Variants in ANKRD50 observed in about 807,000 individuals in gnomAD.
The protein encoded by ANKRD50 is ankyrin repeat domain-containing protein 50.
ANKRD50 carries 40 observed loss-of-function variants against 112.0 expected under a neutral mutation model. That is an observed-to-expected ratio of 0.36 (90% CI 0.28 to 0.46). ANKRD50 has a LOEUF of 0.46. Among genes scored for constraint, ANKRD50 ranks in the 20% least tolerant of loss-of-function variants. ANKRD50 has a pLI of 1.00. For missense variants in ANKRD50, 1,487 were observed against 1,701.7 expected (o/e 0.87, Z 2.22); for synonymous variants, 613 against 619.1 (o/e 0.99, Z 0.15).
At position 124,666,663 on chromosome 4, in the gene ANKRD50, C is replaced by T. The variant is rs547156283; in HGVS notation, c.*855G>A. The T allele has an allele frequency of 5.2e-5, 8 of 152,498 alleles. No homozygotes were observed. The East Asian group carries it at 1.4e-3, about 26-fold the overall frequency. The allele number at this position is 152,498 out of a possible 1,614,324, so 9.4% of individuals were successfully genotyped here. On this transcript the variant is annotated 3_prime_UTR_variant, in exon 5 of 5. Coordinates refer to ENST00000504087, the MANE Select transcript of ANKRD50 (RefSeq NM_020337.3). Reference sequence around the variant, plus strand: ...AGACAGGTGCATTTCTCTCTGCACACACATGTGACTGAGGCATGGCTTTGT... The same window carrying T: ...AGACAGGTGCATTTCTCTCTGCACATACATGTGACTGAGGCATGGCTTTGT...
At chr4:124,703,169 G>A (rs1359582321) in intron 2 of ANKRD50, among the ~76,000 whole-genome samples, 1 of 152,068 alleles carries the variant, frequency 6.6e-6, no homozygotes, top group Non-Finnish European at 1.5e-5. Context: ...AATGGAGTCA[G>A]TGCGAGATTC....
intron 2 of ANKRD50, among the ~76,000 whole-genome samples, chr4:124,702,671 A>G (rs1725417115): frequency 6.6e-6 from 1 of 152,184 alleles, no homozygotes; most frequent in African/African-American, 2.4e-5. Flanking sequence ...GTAGATAATA[A>G]TCAAGCTTCC....
chr4:124,672,841 A>G (rs1730694368), intron 3 of ANKRD50, among the ~76,000 whole-genome samples: 1 of 152,082 alleles, frequency 6.6e-6, no homozygotes, highest in South Asian at 2.1e-4. Flanking sequence ...ACATAACCAT[A>G]AAAGTACCCA....
At chr4:124,676,540 GA>G (rs923724274) in intron 3 of ANKRD50, among the ~76,000 whole-genome samples, 2 of 151,028 alleles carry the variant, frequency 1.3e-5, no homozygotes, top group East Asian at 1.9e-4. Context: ...AATGTATGAT[GA>G]AAAAAAATCA....
chr4:124,704,229 TTTTAA>T (rs1725455999), intron 2 of ANKRD50, among the ~76,000 whole-genome samples: 2 of 152,234 alleles, frequency 1.3e-5, no homozygotes, highest in African/African-American at 4.8e-5. Context: ...TAGAATAATC[TTTTAA>T]TTTGACAATA....
rs138780620 is a variant in ANKRD50, at chr4:124,666,289, G to T, written c.*1229C>A. The T allele has an allele frequency of 1.3e-5, 2 of 152,496 alleles. No homozygotes were observed. Among genetic ancestry groups the T allele is most frequent in the Non-Finnish European group, 2.9e-5 (2 of 67,928 alleles). 9.4% of individuals were successfully genotyped at this position (152,496 alleles called of 1,614,324 possible). A position where few individuals can be genotyped will look rare whatever the true frequency, so the allele number is the denominator to read the frequency against. On this transcript the variant is annotated 3_prime_UTR_variant, in exon 5 of 5. Transcript: ENST00000504087. Reference sequence around the variant, plus strand: ...ATTTCTCTCTTAACCCTGGCATCCAGCCCTCCTGCATGCAATTGTACAAAG... The same window carrying T: ...ATTTCTCTCTTAACCCTGGCATCCATCCCTCCTGCATGCAATTGTACAAAG...
At chr4:124,678,952 A>T (rs1264145591) in intron 2 of ANKRD50, 47 bp from the exon 3 acceptor site, 2 of 1,345,754 alleles carry the variant, frequency 1.5e-6, no homozygotes, top group Non-Finnish European at 2.1e-6. Context: ...AGTGGCTATG[A>T]TGTTAAGATT....
chr4:124,673,621 A>G (rs1730708958), intron 3 of ANKRD50, among the ~76,000 whole-genome samples: 1 of 152,098 alleles, frequency 6.6e-6, no homozygotes, highest in African/African-American at 2.4e-5. Flanking sequence ...GGAGAAGTAA[A>G]GAGAGAAGGA....
intron 3 of ANKRD50, 75 bp downstream of exon 3, chr4:124,678,601 T>A (rs759344190): frequency 6.7e-6 from 9 of 1,349,984 alleles, no homozygotes; most frequent in Non-Finnish European, 9.3e-6. Flanking sequence ...GATGTTCAAC[T>A]GCATACTTTT....
intron 2 of ANKRD50, among the ~76,000 whole-genome samples, chr4:124,707,696 A>G (rs544334038): frequency 6.6e-6 from 1 of 152,250 alleles, no homozygotes; most frequent in East Asian, 1.9e-4. Context: ...CTCTTTTATT[A>G]AAGTGTAAAC....
At chr4:124,686,033 G>A (rs1724999824) in intron 2 of ANKRD50, among the ~76,000 whole-genome samples, 1 of 152,036 alleles carries the variant, frequency 6.6e-6, no homozygotes, top group Non-Finnish European at 1.5e-5. Flanking sequence ...TGATTTCCTG[G>A]CAGAAAGGCA....
At chr4:124,668,895 G>A (rs1390478547) in intron 4 of ANKRD50, 89 bp downstream of exon 4, 3 of 1,191,968 alleles carry the variant, frequency 2.5e-6, no homozygotes, top group Non-Finnish European at 3.5e-6. Context: ...ATTAACTGAG[G>A]GAATTGGCCT....
Position 124,670,154 on chromosome 4 carries a change from T to G in ANKRD50, c.3123A>C (p.Thr1041=). The change falls in exon 4 of 5, where the codon ACA becomes ACC. Residue 1041 remains threonine, a synonymous_variant. Transcript: ENST00000504087. ...LIEHGAVVDH[T]CNQGATALCI... Reference sequence around the variant, plus strand: ...AGAGTGCAGTTGCACCTTGGTTACATGTATGGTCAACTACAGCACCATGCT... The same window carrying G: ...AGAGTGCAGTTGCACCTTGGTTACAGGTATGGTCAACTACAGCACCATGCT... The G allele has an allele frequency of 6.2e-7, 1 of 1,612,052 alleles. No individual in the cohort carries two copies. Among genetic ancestry groups the G allele is most frequent in the Non-Finnish European group, 8.5e-7 (1 of 1,179,412 alleles).
chr4:124,674,147 A>G (rs1166713228), intron 3 of ANKRD50, among the ~76,000 whole-genome samples: 1 of 152,016 alleles, frequency 6.6e-6, no homozygotes, highest in Admixed American at 6.6e-5. Context: ...TACCTAGTAC[A>G]TTGCTAATAA....
At chr4:124,682,739 AT>A (rs71583368) in intron 2 of ANKRD50, among the ~76,000 whole-genome samples, 8,984 of 151,688 alleles carry the variant, frequency 0.059, 368 homozygotes, top group African/African-American at 0.11. Flanking sequence ...ATGTTTTTTA[AT>A]TTTTTTTATA....
intron 2 of ANKRD50, among the ~76,000 whole-genome samples, chr4:124,704,744 A>G (rs1347549774): frequency 6.6e-6 from 1 of 152,252 alleles, no homozygotes; most frequent in Non-Finnish European, 1.5e-5. Context: ...AGTCATGAAT[A>G]ACGTTATGAA....
intron 2 of ANKRD50, among the ~76,000 whole-genome samples, chr4:124,697,850 C>A (rs895268923): frequency 2.6e-5 from 4 of 151,272 alleles, no homozygotes; most frequent in Non-Finnish European, 4.4e-5. Flanking sequence ...GGAGGATGGG[C>A]AGCAGGAGAT....
intron 2 of ANKRD50, among the ~76,000 whole-genome samples, chr4:124,682,874 G>A (rs912100954): frequency 7.9e-5 from 12 of 151,932 alleles, no homozygotes; most frequent in Non-Finnish European, 1.6e-4. Flanking sequence ...TACACTTAAT[G>A]TAGTTGTTAA....
At chr4:124,690,497 T>C (rs1725110896) in intron 2 of ANKRD50, among the ~76,000 whole-genome samples, 1 of 152,192 alleles carries the variant, frequency 6.6e-6, no homozygotes, top group African/African-American at 2.4e-5. Flanking sequence ...CCCAAAAATG[T>C]ACATTTCCAG....
Sources: gnomAD v4.1 joint callset for allele counts (sites outside exome capture counted in the v4.1 genomes callset) on GRCh38, gnomAD v4.1.1 for gene constraint, MANE v1.5 for transcripts, NCBI Gene and HGNC (gene_info 2026-07-23, HGNC 2026-07-21) for gene names.